Variants in RAPGEF2 observed in about 807,000 individuals in gnomAD.
The protein encoded by RAPGEF2 is PDZ domain containing guanine nucleotide exchange factor (GEF) 1.
A neutral mutation model predicts 186.7 loss-of-function variants in RAPGEF2; 54 were observed. The ratio of observed to expected loss-of-function variants is 0.29; its 90% CI spans 0.23 to 0.36. The LOEUF (loss-of-function observed/expected upper bound fraction) is 0.36, where lower values mean the gene tolerates loss of function less well. Among genes scored for constraint, RAPGEF2 ranks in the 10% least tolerant of loss-of-function variants. The probability of loss-of-function intolerance (pLI) is 1.00; values close to 1 mark genes in which losing one functional copy is unlikely to be tolerated. For synonymous variants in RAPGEF2, 712 were observed against 705.9 expected, an observed-to-expected ratio of 1.01 and a Z score of -0.14; for missense variants, 1,532 against 2,045.0, an observed-to-expected ratio of 0.75 and a Z score of 4.84.
At chr4:159,281,739 T>A (rs1410566097) in intron 7 of RAPGEF2, among the ~76,000 whole-genome samples, 1 of 151,808 alleles carries the variant, frequency 6.6e-6, no homozygotes, top group Non-Finnish European at 1.5e-5. Context: ...ATTAAAATTA[T>A]TTTATTAAGT....
At chr4:159,212,684 C>A (rs1750644793) in intron 4 of RAPGEF2, among the ~76,000 whole-genome samples, 1 of 152,094 alleles carries the variant, frequency 6.6e-6, no homozygotes, top group Non-Finnish European at 1.5e-5. Context: ...TTAAAGAATA[C>A]ATTTTATTAT....
At chr4:159,232,660 C>G (rs1752773850) in intron 4 of RAPGEF2, among the ~76,000 whole-genome samples, 1 of 152,156 alleles carries the variant, frequency 6.6e-6, no homozygotes, top group Admixed American at 6.5e-5. Flanking sequence ...GCTAGAATTG[C>G]TGTGTCATAT....
intron 7 of RAPGEF2, among the ~76,000 whole-genome samples, chr4:159,284,531 C>T (rs914211803): frequency 9.0e-6 from 1 of 110,812 alleles, no homozygotes; most frequent in African/African-American, 3.4e-5. Flanking sequence ...CACACACACA[C>T]ACACGAATTG....
Position 159,104,021 on chromosome 4 carries a change from C to T in RAPGEF2, c.-142C>T. The T allele has an allele frequency of 4.1e-6, 1 of 243,428 alleles. No homozygotes were observed. The highest frequency in any genetic ancestry group is 6.6e-6 in the Non-Finnish European group (1 of 151,594). The allele number at this position is 243,428 out of a possible 1,614,324, so 15.1% of individuals were successfully genotyped here. ...AGCCGAGCCGCCCCCCCGCGGGCCC[C>T]GCGCCGCCGCCGCCGCGGTTTGGCT... On this transcript the variant is annotated 5_prime_UTR_variant, in exon 1 of 30. Transcript: ENST00000691494.
chr4:159,216,343 G>A (rs1275910187), intron 4 of RAPGEF2, among the ~76,000 whole-genome samples: 1 of 152,154 alleles, frequency 6.6e-6, no homozygotes, highest in African/African-American at 2.4e-5. Flanking sequence ...CATACAGAAT[G>A]CAAAATCATT....
At chr4:159,275,679 T>TA (rs1283376706) in intron 7 of RAPGEF2, among the ~76,000 whole-genome samples, 1 of 152,124 alleles carries the variant, frequency 6.6e-6, no homozygotes, top group Non-Finnish European at 1.5e-5. Context: ...TCTTCTATAA[T>TA]AGAGTTGAAA....
chr4:159,327,774 T>G (rs995520240), intron 11 of RAPGEF2: 4 of 152,210 alleles, frequency 2.6e-5, no homozygotes, highest in African/African-American at 9.6e-5. Context: ...AGTTGCTTAT[T>G]TAAAAAAGAT....
chr4:159,129,049 A>T (rs528974453), intron 1 of RAPGEF2, among the ~76,000 whole-genome samples: 1 of 150,814 alleles, frequency 6.6e-6, no homozygotes, highest in Admixed American at 6.6e-5. Context: ...CAGTCTTTTG[A>T]TTATTGAAAT....
At chr4:159,158,710 A>G (rs917435857) in intron 1 of RAPGEF2, among the ~76,000 whole-genome samples, 1 of 152,182 alleles carries the variant, frequency 6.6e-6, no homozygotes, top group Non-Finnish European at 1.5e-5. Context: ...GGCACACAAA[A>G]CCAAGTCTTT....
intron 4 of RAPGEF2, 55 bp from the exon 5 acceptor site, chr4:159,238,754 T>C (rs1753598734): frequency 1.5e-6 from 2 of 1,334,584 alleles, no homozygotes; most frequent in Non-Finnish European, 2.0e-6. Flanking sequence ...TCACAAATCA[T>C]ACTACTTAAA....
chr4:159,236,506 T>A (rs1275001846), intron 4 of RAPGEF2, among the ~76,000 whole-genome samples: 4 of 152,236 alleles, frequency 2.6e-5, no homozygotes, highest in African/African-American at 7.2e-5. Context: ...GCTGCTAAAA[T>A]TTGTAAACAA....
intron 1 of RAPGEF2, among the ~76,000 whole-genome samples, chr4:159,174,508 G>C (rs1746247025): frequency 6.6e-6 from 1 of 152,110 alleles, no homozygotes; most frequent in African/African-American, 2.4e-5. Flanking sequence ...TTACAAGTCT[G>C]TTTTGTAATT....
At chr4:159,159,194 C>T (rs1399583795) in intron 1 of RAPGEF2, among the ~76,000 whole-genome samples, 2 of 152,218 alleles carry the variant, frequency 1.3e-5, no homozygotes, top group Non-Finnish European at 2.9e-5. Context: ...GTGTCTCCCT[C>T]AGCCCCTTTC....
chr4:159,297,770 ATGT>A (rs780097178), intron 7 of RAPGEF2, among the ~76,000 whole-genome samples: 2 of 152,138 alleles, frequency 1.3e-5, no homozygotes, highest in African/African-American at 4.8e-5. Flanking sequence ...GTGGTGGAGG[ATGT>A]TGTCTGGAAA....
At position 159,107,129 on chromosome 4, in the gene RAPGEF2, A is replaced by G. The variant is rs138421894; in HGVS notation, c.69+2898A>G. ...GTGTCTGGAAACCTGGCTGAGTTCTAGTCAATGGGGCATTGTATTCTAAAT... is the reference window on the plus strand; with the variant it reads ...GTGTCTGGAAACCTGGCTGAGTTCTGGTCAATGGGGCATTGTATTCTAAAT... On this transcript the variant is annotated intron_variant, in intron 1 of 29. Coordinates refer to ENST00000691494, the MANE Select transcript of RAPGEF2 (RefSeq NM_001394067.2). Among the ~76,000 whole-genome samples the G allele has an allele frequency of 4.8e-3, 733 of 152,340 alleles. 4 individuals are homozygous for G. Among genetic ancestry groups the G allele is most frequent in the African/African-American group, 0.017 (697 of 41,574 alleles).
At chr4:159,222,917 TA>T (rs1332322799) in intron 4 of RAPGEF2, among the ~76,000 whole-genome samples, 340 of 31,268 alleles carry the variant, frequency 0.011, 2 homozygotes, top group African/African-American at 0.031. Context: ...TGAGTTGAAT[TA>T]TATATATATA....
At chr4:159,120,877 GGGAGT>G (rs898471296) in intron 1 of RAPGEF2, among the ~76,000 whole-genome samples, 1 of 151,300 alleles carries the variant, frequency 6.6e-6, no homozygotes, top group African/African-American at 2.4e-5. Context: ...ATTTTTGAGA[GGGAGT>G]CTTGCCCTGT....
At chr4:159,250,363 A>T (rs377171525) in intron 7 of RAPGEF2, among the ~76,000 whole-genome samples, 1 of 152,210 alleles carries the variant, frequency 6.6e-6, no homozygotes, top group South Asian at 2.1e-4. Context: ...TGGTAGTTGG[A>T]TGCAATATGA....
chr4:159,121,394 C>T (rs912346079), intron 1 of RAPGEF2, among the ~76,000 whole-genome samples: 1 of 149,578 alleles, frequency 6.7e-6, no homozygotes, highest in East Asian at 2.0e-4. Flanking sequence ...ATAGGGTCTT[C>T]CTCTGTCTGT....
Sources: gnomAD v4.1 joint callset for allele counts (sites outside exome capture counted in the v4.1 genomes callset) on GRCh38, gnomAD v4.1.1 for gene constraint, MANE v1.5 for transcripts, NCBI Gene and HGNC (gene_info 2026-07-23, HGNC 2026-07-21) for gene names.